PBX1: variants seen among roughly 807,000 people sequenced by gnomAD.
PBX1 encodes the protein PBX homeobox 1, also known as pre-B-cell leukemia transcription factor 1.
Under a neutral mutation model 53.4 loss-of-function variants are expected in PBX1, and 6 were observed. The ratio of observed to expected loss-of-function variants is 0.11; its 90% CI spans 0.06 to 0.22. PBX1 has a LOEUF of 0.22. PBX1 is among the 10% of genes least tolerant of loss of function. PBX1 has a pLI of 1.00. For synonymous variants in PBX1, 204 were observed against 212.3 expected (o/e 0.96, Z 0.34); for missense variants, 251 against 551.4 (o/e 0.46, Z 5.46).
rs745780226 is a variant in PBX1, at chr1:164,821,624, A to G, written c.1198A>G (p.Ser400Gly). 1.9e-6 allele frequency: 3 copies of G among 1,612,910 alleles called. No homozygotes were observed. The highest frequency in any genetic ancestry group is 1.1e-5 in the South Asian group (1 of 91,044). Residue 400 changes from serine to glycine, a missense_variant and splice_region_variant, in exon 8 of 9, where the codon AGT (serine) becomes GGT (glycine). Around this residue, in one of 4 missense-constraint regions of PBX1, gnomAD observed 92 missense variants for 130.4 expected, o/e 0.71. Coordinates refer to ENST00000420696, the MANE Select transcript of PBX1 (RefSeq NM_002585.4). ...ASQMYSPQGI[S>G]ANGGWQDATT... Reference sequence around the variant, plus strand: ...TCAGATGTACAGTCCGCAGGGCATCAGTGTAAGAAAACAAGCCCCCCCACC... The same window carrying G: ...TCAGATGTACAGTCCGCAGGGCATCGGTGTAAGAAAACAAGCCCCCCCACC...
chr1:164,577,500 A>T (rs952443918), intron 2 of PBX1, among the ~76,000 whole-genome samples: 2 of 152,204 alleles, frequency 1.3e-5, no homozygotes, highest in Non-Finnish European at 2.9e-5. Context: ...GCTGGAGCCC[A>T]GGCAGGAAGG....
At chr1:164,627,836 C>G (rs187823402) in intron 2 of PBX1, among the ~76,000 whole-genome samples, 112 of 152,146 alleles carry the variant, frequency 7.4e-4, no homozygotes, top group African/African-American at 2.6e-3. Context: ...AGAACTTTAT[C>G]CAGATAATCT....
chr1:164,793,620 C>T (rs1408248344), intron 3 of PBX1, among the ~76,000 whole-genome samples: 1 of 152,182 alleles, frequency 6.6e-6, no homozygotes, highest in Non-Finnish European at 1.5e-5. Flanking sequence ...ACAACACATA[C>T]ACACATCATA....
intron 2 of PBX1, among the ~76,000 whole-genome samples, chr1:164,788,604 T>C (rs1368311506): frequency 2.0e-5 from 3 of 152,182 alleles, no homozygotes; most frequent in Non-Finnish European, 4.4e-5. Context: ...CAAGATGGTT[T>C]TCTTTTAAGG....
chr1:164,635,869 T>C (rs1364061158), intron 2 of PBX1, among the ~76,000 whole-genome samples: 1 of 152,246 alleles, frequency 6.6e-6, no homozygotes, highest in African/African-American at 2.4e-5. Context: ...TCTCTCTGGC[T>C]TGTTCTCTCT....
At chr1:164,636,922 G>C (rs971861314) in intron 2 of PBX1, among the ~76,000 whole-genome samples, 1 of 152,098 alleles carries the variant, frequency 6.6e-6, no homozygotes, top group African/African-American at 2.4e-5. Flanking sequence ...GGATGGCTTA[G>C]GACTTCCATT....
intron 2 of PBX1, among the ~76,000 whole-genome samples, chr1:164,570,055 C>T (rs1423293687): frequency 6.6e-6 from 1 of 152,282 alleles, no homozygotes; most frequent in South Asian, 2.1e-4. Flanking sequence ...ATGGTGTTTT[C>T]TTAGCGTCAG....
At chr1:164,879,712 A>G in intron 2 of PBX1, among the ~76,000 whole-genome samples, 1 of 152,254 alleles carries the variant, frequency 6.6e-6, no homozygotes, top group East Asian at 1.9e-4. Flanking sequence ...CCAATATACC[A>G]AGGCATACTA....
rs534018204 is a variant in PBX1 at position 164,712,749 on chromosome 1, T to A, written c.266-79745T>A. Reference sequence around the variant, plus strand: ...GGAGACAAAGGAAGGGAAGTGACTGTTTCCTGGCCTGGTGTGTGGGCCCGT... The same window carrying A: ...GGAGACAAAGGAAGGGAAGTGACTGATTCCTGGCCTGGTGTGTGGGCCCGT... On this transcript the variant is annotated intron_variant, in intron 2 of 8. Transcript: ENST00000420696. Among the ~76,000 whole-genome samples, 6 of 152,280 alleles carry A rather than the reference T, an allele frequency of 3.9e-5. No individual in the cohort carries two copies. In the South Asian group the frequency reaches 8.3e-4, roughly 21 times the overall value.
intron 5 of PBX1, among the ~76,000 whole-genome samples, chr1:164,810,858 AT>A (rs978566416): frequency 8.2e-4 from 124 of 151,624 alleles, no homozygotes; most frequent in African/African-American, 2.9e-3. Flanking sequence ...GTACAGACTG[AT>A]TTTTTTTTAA....
intron 2 of PBX1, among the ~76,000 whole-genome samples, chr1:164,639,254 G>T (rs1232383178): frequency 6.6e-6 from 1 of 152,248 alleles, no homozygotes; most frequent in Non-Finnish European, 1.5e-5. Context: ...GTTGGGAAAA[G>T]AAGGTGAGCA....
In PBX1 at chr1:164,601,011, C is replaced by G. The variant is rs2101799981; in HGVS notation, c.265+37700C>G. Among the ~76,000 whole-genome samples, 4 of 151,996 alleles carry G rather than the reference C, an allele frequency of 2.6e-5. 1 individual carries two copies. The Middle Eastern group carries it at 0.014, about 517-fold the overall frequency. On this transcript the variant is annotated intron_variant, in intron 2 of 8. Transcript: ENST00000420696. Reference sequence around the variant, plus strand: ...CAGCACTTTGGGAGGCCGAGGCGGGCAGATCACCTGAGGTGTCAGGAGTTT... The same window carrying G: ...CAGCACTTTGGGAGGCCGAGGCGGGGAGATCACCTGAGGTGTCAGGAGTTT...
chr1:164,665,307 C>T (rs1265995649), intron 2 of PBX1, among the ~76,000 whole-genome samples: 1 of 152,056 alleles, frequency 6.6e-6, no homozygotes, highest in African/African-American at 2.4e-5. Flanking sequence ...CTTTTTGAGT[C>T]AGAGTCTCAT....
At chr1:164,572,833 C>T (rs543714321) in intron 2 of PBX1, among the ~76,000 whole-genome samples, 1 of 152,296 alleles carries the variant, frequency 6.6e-6, no homozygotes, top group African/African-American at 2.4e-5. Context: ...CCACCTTTCT[C>T]ATCAGTTTGG....
intron 2 of PBX1, among the ~76,000 whole-genome samples, chr1:164,695,221 G>A (rs1382180264): frequency 3.9e-5 from 6 of 152,280 alleles, no homozygotes; most frequent in African/African-American, 1.4e-4. Context: ...GCTTTCTTTA[G>A]TGGAAGAGAA....
chr1:164,661,583 T>C (rs1660497806), intron 2 of PBX1, among the ~76,000 whole-genome samples: 1 of 151,906 alleles, frequency 6.6e-6, no homozygotes, highest in Non-Finnish European at 1.5e-5. Context: ...TCCACCACCA[T>C]GCCTGGCAAA....
intron 2 of PBX1, among the ~76,000 whole-genome samples, chr1:164,744,422 C>T (rs1433331826): frequency 1.3e-5 from 2 of 152,164 alleles, no homozygotes; most frequent in Non-Finnish European, 2.9e-5. Context: ...AATTATTGAA[C>T]AGAGCCCCTC....
chr1:164,815,931 C>G (rs1335214259), intron 6 of PBX1: 1 of 152,174 alleles, frequency 6.6e-6, no homozygotes, highest in Non-Finnish European at 1.5e-5. Context: ...TATTAAAACT[C>G]AGAGCCTTCA....
chr1:164,662,744 A>G (rs1041598701), intron 2 of PBX1, among the ~76,000 whole-genome samples: 1 of 152,126 alleles, frequency 6.6e-6, no homozygotes, highest in Non-Finnish European at 1.5e-5. Flanking sequence ...AGAGTTTGGT[A>G]GCTTCGTTGT....
Sources: allele counts gnomAD v4.1 joint callset (sites outside exome capture counted in the v4.1 genomes callset), GRCh38; gene constraint gnomAD v4.1.1; regional missense constraint gnomAD v4.1.1; transcripts MANE v1.5; gene names NCBI Gene and HGNC (gene_info 2026-07-23, HGNC 2026-07-21).